FYB2: variants seen among roughly 807,000 people sequenced by gnomAD.
The protein encoded by FYB2 is FYN binding protein 2, also known as FYN-binding protein 2.
In FYB2, 103 loss-of-function variants were observed where a neutral mutation model predicts 94.1. The observed-to-expected ratio is 1.09, with a 90% CI of 0.93 to 1.29. FYB2 has a LOEUF of 1.29. FYB2 is among the 50% of genes most tolerant of loss of function. The pLI is 0.00. For missense variants in FYB2, 896 were observed against 841.5 expected (o/e 1.06, Z -0.80); for synonymous variants, 293 against 287.9 (o/e 1.02, Z -0.18).
At chr1:56,803,037 T>C (rs1646557227) in intron 1 of FYB2, among the ~76,000 whole-genome samples, 1 of 152,210 alleles carries the variant, frequency 6.6e-6, no homozygotes. Flanking sequence ...AAACATTGCT[T>C]GGATTCTCTG....
intron 9 of FYB2, among the ~76,000 whole-genome samples, chr1:56,748,387 A>T (rs372377249): frequency 6.6e-6 from 1 of 151,958 alleles, no homozygotes; most frequent in Admixed American, 6.6e-5. Context: ...TAAGTTTTCC[A>T]TTTAAGTCTT....
intron 3 of FYB2, among the ~76,000 whole-genome samples, chr1:56,787,879 A>G (rs998599815): frequency 3.9e-5 from 6 of 152,214 alleles, no homozygotes; most frequent in African/African-American, 1.4e-4. Context: ...TAATGTTTAT[A>G]AAAATCACAC....
intron 4 of FYB2, among the ~76,000 whole-genome samples, chr1:56,781,189 T>C (rs78576438): frequency 2.1e-3 from 315 of 152,334 alleles, no homozygotes; most frequent in Non-Finnish European, 3.4e-3. Context: ...TGCTTTTTGT[T>C]GTTGCTGTTA....
intron 16 of FYB2, 66 bp from the exon 17 acceptor site, chr1:56,723,747 C>G: frequency 1.2e-6 from 1 of 856,510 alleles, no homozygotes; most frequent in Middle Eastern, 3.3e-4. Context: ...TCTGAGCCTA[C>G]GAAGTCACTT....
At chr1:56,729,207 A>G (rs773607576) in intron 15 of FYB2, among the ~76,000 whole-genome samples, 3 of 152,162 alleles carry the variant, frequency 2.0e-5, no homozygotes, top group Non-Finnish European at 4.4e-5. Flanking sequence ...TCACATTTGC[A>G]CTTAAGAAAG....
chr1:56,772,501 T>C (rs1376676745), intron 4 of FYB2, among the ~76,000 whole-genome samples: 1 of 152,160 alleles, frequency 6.6e-6, no homozygotes, highest in African/African-American at 2.4e-5. Context: ...ACAATGTGGA[T>C]CAATATACAG....
intron 13 of FYB2, among the ~76,000 whole-genome samples, chr1:56,739,458 CA>C (rs1644902363): frequency 6.6e-6 from 1 of 152,024 alleles, no homozygotes; most frequent in Non-Finnish European, 1.5e-5. Flanking sequence ...CTTAAAGCCA[CA>C]AAACTCTGAG....
chr1:56,730,675 T>G (rs563569193), intron 15 of FYB2, among the ~76,000 whole-genome samples: 1 of 152,180 alleles, frequency 6.6e-6, no homozygotes, highest in East Asian at 1.9e-4. Flanking sequence ...AGTCTAGGAC[T>G]AGATGGCTTC....
chr1:56,763,106 A>C (rs1645537884), intron 5 of FYB2, among the ~76,000 whole-genome samples: 6 of 152,220 alleles, frequency 3.9e-5, no homozygotes. Flanking sequence ...AATGAAGAAT[A>C]AATCACACTT....
intron 4 of FYB2, among the ~76,000 whole-genome samples, chr1:56,778,840 T>C (rs1273185142): frequency 2.0e-5 from 3 of 152,198 alleles, no homozygotes; most frequent in Non-Finnish European, 4.4e-5. Context: ...ATATACTTAA[T>C]GAGGGCAGAC....
chr1:56,776,391 A>C (rs1645876804), intron 4 of FYB2, among the ~76,000 whole-genome samples: 1 of 152,188 alleles, frequency 6.6e-6, no homozygotes, highest in South Asian at 2.1e-4. Flanking sequence ...GTTAAGGTGG[A>C]ACCAGTGGAT....
Position 56,767,701 on chromosome 1 carries a change from A to G in FYB2, c.1063+128T>C, listed in dbSNP as rs770596232. On this transcript the variant is annotated intron_variant, in intron 5 of 19. Coordinates refer to ENST00000343433, the MANE Select transcript of FYB2 (RefSeq NM_001004303.5). ...CCAGACACAGAAAAAAAAAAGAAAAAGAAATAAGATGGTTGTGCAGGATGG... is the reference window on the plus strand; with the variant it reads ...CCAGACACAGAAAAAAAAAAGAAAAGGAAATAAGATGGTTGTGCAGGATGG... 1.1e-4 allele frequency: 80 copies of G among 701,982 alleles called. 1 individual carries two copies. Among genetic ancestry groups the G allele is most frequent in the Middle Eastern group, 4.9e-4 (2 of 4,120 alleles). 43.5% of individuals were successfully genotyped at this position (701,982 alleles called of 1,614,324 possible). A position where few individuals can be genotyped will look rare whatever the true frequency, so the allele number is the denominator to read the frequency against.
intron 1 of FYB2, among the ~76,000 whole-genome samples, chr1:56,815,928 G>A (rs915572959): frequency 6.6e-6 from 1 of 152,148 alleles, no homozygotes; most frequent in South Asian, 2.1e-4. Context: ...CATGCACTAG[G>A]CTATACCTCT....
intron 15 of FYB2, among the ~76,000 whole-genome samples, chr1:56,734,295 C>T (rs1051609399): frequency 1.3e-5 from 2 of 151,814 alleles, no homozygotes; most frequent in African/African-American, 4.8e-5. Flanking sequence ...TTATTTTGAT[C>T]CTATGTGTGT....
rs1294866066 is a variant in FYB2, at chr1:56,718,865, A to AGAT, written c.*803_*805dup. 6.6e-6 allele frequency: 1 copy of AGAT among 152,608 alleles called. No individual in the cohort carries two copies. Among genetic ancestry groups the AGAT allele is most frequent in the Non-Finnish European group, 1.5e-5 (1 of 68,020 alleles). 9.5% of individuals were successfully genotyped at this position (152,608 alleles called of 1,614,324 possible). On this transcript the variant is annotated 3_prime_UTR_variant, in exon 20 of 20. Coordinates refer to ENST00000343433, the MANE Select transcript of FYB2 (RefSeq NM_001004303.5). ...GTGCACCTCATTTAAAAAACAGAATAGATGTCAGCTTTTAAATTTTTATTT... is the reference window on the plus strand; with the variant it reads ...GTGCACCTCATTTAAAAAACAGAATAGATGATGTCAGCTTTTAAATTTTTATTT...
chr1:56,725,348 T>C (rs1039952725), intron 16 of FYB2, among the ~76,000 whole-genome samples: 47 of 152,164 alleles, frequency 3.1e-4, no homozygotes, highest in African/African-American at 1.1e-3. Context: ...TAGAAATCAT[T>C]TTAAAAATGA....
At chr1:56,811,777 A>C (rs1179947596) in intron 1 of FYB2, among the ~76,000 whole-genome samples, 3 of 151,794 alleles carry the variant, frequency 2.0e-5, no homozygotes, top group Admixed American at 6.6e-5. Flanking sequence ...ACAAACAAAC[A>C]AACAAAAACA....
chr1:56,818,455 AACACACAC>A (rs3991685), intron 1 of FYB2, among the ~76,000 whole-genome samples: 8,794 of 139,610 alleles, frequency 0.063, 333 homozygotes, highest in African/African-American at 0.11. Context: ...GTATGGAAGC[AACACACAC>A]ACACACACAC....
intron 1 of FYB2, among the ~76,000 whole-genome samples, chr1:56,797,293 C>T (rs1005014340): frequency 2.0e-5 from 3 of 152,164 alleles, no homozygotes; most frequent in Non-Finnish European, 2.9e-5. Context: ...TTAATGTCAT[C>T]GGGCTTAATC....
Sources: allele counts gnomAD v4.1 joint callset (sites outside exome capture counted in the v4.1 genomes callset), GRCh38; gene constraint gnomAD v4.1.1; transcripts MANE v1.5; gene names NCBI Gene and HGNC (gene_info 2026-07-23, HGNC 2026-07-21).